The following MAML2 variants were observed in gnomAD, a reference collection of about 807,000 sequenced individuals.
The protein encoded by MAML2 is mastermind like transcriptional coactivator 2, also known as mastermind-like protein 2.
In MAML2, 22 loss-of-function variants were observed where a neutral mutation model predicts 96.1. That is an observed-to-expected ratio of 0.23 (90% CI 0.16 to 0.33). The LOEUF is 0.33. Among genes scored for constraint, MAML2 ranks in the 10% least tolerant of loss-of-function variants. The probability of loss-of-function intolerance (pLI) is 1.00; values close to 1 mark genes in which losing one functional copy is unlikely to be tolerated. For missense variants in MAML2, 1,367 were observed against 1,392.4 expected, an observed-to-expected ratio of 0.98 and a Z score of 0.29; for synonymous variants, 561 against 521.3, an observed-to-expected ratio of 1.08 and a Z score of -1.04.
At chr11:96,065,414 TGC>T (rs1491208991) in intron 2 of MAML2, among the ~76,000 whole-genome samples, 1 of 63,922 alleles carries the variant, frequency 1.6e-5, no homozygotes, top group Admixed American at 1.6e-4. Context: ...CGTGCGTGCA[TGC>T]ACACACACAC....
intron 1 of MAML2, among the ~76,000 whole-genome samples, chr11:96,232,217 C>T (rs982091290): frequency 6.6e-6 from 1 of 152,192 alleles, no homozygotes; most frequent in Non-Finnish European, 1.5e-5. Flanking sequence ...CCATGAGCCA[C>T]GTGCCTTTTC....
chr11:96,140,425 A>C (rs1446263232), intron 1 of MAML2, among the ~76,000 whole-genome samples: 2 of 152,230 alleles, frequency 1.3e-5, no homozygotes, highest in Non-Finnish European at 2.9e-5. Flanking sequence ...TTTTGGGCTA[A>C]GGCACAGCCC....
At chr11:96,311,260 T>G (rs1420733606) in intron 1 of MAML2, among the ~76,000 whole-genome samples, 1 of 152,140 alleles carries the variant, frequency 6.6e-6, no homozygotes, top group African/African-American at 2.4e-5. Context: ...AGCAGAATCA[T>G]GAAGGGAACA....
intron 2 of MAML2, among the ~76,000 whole-genome samples, chr11:96,061,271 T>G (rs1859154734): frequency 6.6e-6 from 1 of 152,204 alleles, no homozygotes; most frequent in Non-Finnish European, 1.5e-5. Flanking sequence ...AGTAGTCTGC[T>G]TGGATTATTC....
intron 2 of MAML2, among the ~76,000 whole-genome samples, chr11:96,069,403 G>T (rs547204171): frequency 5.7e-4 from 87 of 152,294 alleles, no homozygotes; most frequent in Admixed American, 2.3e-3. Context: ...GCTGGGCGAG[G>T]TGGCTCACGC....
intron 1 of MAML2, among the ~76,000 whole-genome samples, chr11:96,210,637 CA>C (rs1341971181): frequency 1.3e-5 from 2 of 152,120 alleles, no homozygotes; most frequent in Non-Finnish European, 2.9e-5. Flanking sequence ...ACAGGAGTAA[CA>C]AGAGGAACTG....
chr11:96,305,332 C>A (rs1274642089), intron 1 of MAML2, among the ~76,000 whole-genome samples: 1 of 152,056 alleles, frequency 6.6e-6, no homozygotes, highest in Non-Finnish European at 1.5e-5. Flanking sequence ...AGAGTGAATC[C>A]TAATGTCAAC....
intron 1 of MAML2, among the ~76,000 whole-genome samples, chr11:96,162,389 G>C (rs1324331578): frequency 1.3e-5 from 2 of 151,898 alleles, no homozygotes; most frequent in Non-Finnish European, 2.9e-5. Flanking sequence ...TATGCTCCCG[G>C]AATTGTAGTA....
intron 1 of MAML2, among the ~76,000 whole-genome samples, chr11:96,142,852 C>T (rs1860757394): frequency 6.6e-6 from 1 of 152,148 alleles, no homozygotes; most frequent in Non-Finnish European, 1.5e-5. Flanking sequence ...AAGAAAACAA[C>T]TATTTTTTTG....
chr11:96,177,037 T>A (rs1434323265), intron 1 of MAML2, among the ~76,000 whole-genome samples: 2 of 152,186 alleles, frequency 1.3e-5, no homozygotes, highest in Non-Finnish European at 2.9e-5. Flanking sequence ...TGGTCCTTTT[T>A]CAGGTCACCA....
chr11:96,029,217 G>A (rs1004666082), intron 2 of MAML2, among the ~76,000 whole-genome samples: 2 of 150,550 alleles, frequency 1.3e-5, no homozygotes, highest in Non-Finnish European at 3.0e-5. Context: ...CTTTGTTGAA[G>A]GACTGTGGAT....
chr11:96,201,031 T>G (rs1008600361), intron 1 of MAML2, among the ~76,000 whole-genome samples: 2 of 152,152 alleles, frequency 1.3e-5, no homozygotes, highest in African/African-American at 2.4e-5. Context: ...AAAAAAAGCT[T>G]CTGTTTTTTA....
intron 1 of MAML2, among the ~76,000 whole-genome samples, chr11:96,125,610 G>T (rs534738192): frequency 6.6e-6 from 1 of 152,298 alleles, no homozygotes; most frequent in South Asian, 2.1e-4. Flanking sequence ...AGTACTATCT[G>T]CCTGTTCTCT....
rs1857688543 is a variant in MAML2 at position 95,978,926 on chromosome 11, T to C, written c.*22A>G. On this transcript the variant is annotated 3_prime_UTR_variant, in exon 5 of 5. Coordinates refer to ENST00000524717, the MANE Select transcript of MAML2 (RefSeq NM_032427.4). ...ACTGCCTTTTAGTGCTTGGAGTTTG[T>C]AAATTGTCTTCCCTTTCTTCTTTAG... 6.3e-7 allele frequency: 1 copy of C among 1,579,796 alleles called. No individual in the cohort carries two copies. Among genetic ancestry groups the C allele is most frequent in the African/African-American group, 1.4e-5 (1 of 73,880 alleles).
intron 1 of MAML2, among the ~76,000 whole-genome samples, chr11:96,315,732 GAT>G (rs1491423581): frequency 6.6e-6 from 1 of 152,164 alleles, no homozygotes; most frequent in African/African-American, 2.4e-5. Flanking sequence ...TGTCCCTGAG[GAT>G]ACTTGGCTCA....
intron 1 of MAML2, among the ~76,000 whole-genome samples, chr11:96,306,432 T>G (rs1341181857): frequency 6.6e-6 from 1 of 152,224 alleles, no homozygotes; most frequent in Non-Finnish European, 1.5e-5. Flanking sequence ...GGACTGAACC[T>G]AGCTCCCTTT....
chr11:96,089,218 T>C (rs1431194035), intron 2 of MAML2, among the ~76,000 whole-genome samples: 2 of 152,168 alleles, frequency 1.3e-5, no homozygotes, highest in African/African-American at 4.8e-5. Context: ...CTGTCTATTA[T>C]AGATGGAAGA....
chr11:96,100,333 G>A (rs1859903905), intron 1 of MAML2, among the ~76,000 whole-genome samples: 1 of 149,574 alleles, frequency 6.7e-6, no homozygotes, highest in Admixed American at 6.7e-5. Context: ...TTCTTGAGAT[G>A]GAGTCTCACT....
chr11:96,051,389 T>C (rs1198904057), intron 2 of MAML2, among the ~76,000 whole-genome samples: 1 of 152,224 alleles, frequency 6.6e-6, no homozygotes, highest in Non-Finnish European at 1.5e-5. Context: ...TAATCTTTAG[T>C]TTGACCCTTT....
Sources: gnomAD v4.1 joint callset for allele counts (sites outside exome capture counted in the v4.1 genomes callset) on GRCh38, gnomAD v4.1.1 for gene constraint, MANE v1.5 for transcripts, NCBI Gene and HGNC (gene_info 2026-07-23, HGNC 2026-07-21) for gene names.